PLPP1: variants seen among roughly 807,000 people sequenced by gnomAD.
PLPP1 encodes the protein phospholipid phosphatase 1, also known as lipid phosphate phosphohydrolase 1a.
Under a neutral mutation model 31.2 loss-of-function variants are expected in PLPP1, and 24 were observed. The ratio of observed to expected loss-of-function variants is 0.77; its 90% confidence interval spans 0.56 to 1.08. PLPP1 has a LOEUF of 1.08. Ranked by LOEUF, PLPP1 falls within the 50% of genes least tolerant of loss-of-function variation. The pLI, the probability that PLPP1 is intolerant of heterozygous loss-of-function variation, is 0.00. For synonymous variants in PLPP1, 146 were observed against 126.3 expected, an observed-to-expected ratio of 1.16 and a Z score of -1.05; for missense variants, 319 against 342.7, an observed-to-expected ratio of 0.93 and a Z score of 0.55.
intron 2 of PLPP1, among the ~76,000 whole-genome samples, chr5:55,471,336 G>C (rs1211986034): frequency 1.3e-5 from 2 of 151,844 alleles, no homozygotes; most frequent in Non-Finnish European, 2.9e-5. Context: ...TGTGTAGCCA[G>C]GATTACAGGC....
intron 4 of PLPP1, among the ~76,000 whole-genome samples, chr5:55,427,382 A>G (rs1751229997): frequency 6.6e-6 from 1 of 152,200 alleles, no homozygotes; most frequent in African/African-American, 2.4e-5. Flanking sequence ...TAGTTCTAAA[A>G]GAGCACACCA....
chr5:55,532,319 A>C (rs912622595), intron 1 of PLPP1, among the ~76,000 whole-genome samples: 2 of 152,158 alleles, frequency 1.3e-5, no homozygotes, highest in African/African-American at 4.8e-5. Context: ...AGCCATTCTA[A>C]TCACTGTTTG....
intron 1 of PLPP1, 74 bp from the exon 2 acceptor site, chr5:55,475,524 A>C: frequency 7.6e-7 from 1 of 1,310,366 alleles, no homozygotes; most frequent in Non-Finnish European, 1.0e-6. Flanking sequence ...TAATTATCCC[A>C]CAGACTCTGT....
At chr5:55,468,940 G>A (rs71622178) in intron 2 of PLPP1, among the ~76,000 whole-genome samples, 8,763 of 152,206 alleles carry the variant, frequency 0.058, 442 homozygotes, top group Admixed American at 0.11. Context: ...ATTAAAAAGA[G>A]TAAAATCATT....
rs1752344980 is a variant in PLPP1, at chr5:55,468,158, G to A, written c.211-9C>T. On this transcript the variant is annotated splice_polypyrimidine_tract_variant and intron_variant, in intron 2 of 5. Coordinates refer to ENST00000307259, the MANE Select transcript of PLPP1 (RefSeq NM_003711.4). ...GTTTCTCCAAGAATAATCTGAAAAA[G>A]AAACAGAAAAATAACATGTTAAAGT... is the stretch of plus-strand genomic sequence containing the variant. 6.4e-7 allele frequency: 1 copy of A among 1,553,626 alleles called. No homozygotes were observed. Among genetic ancestry groups the A allele is most frequent in the South Asian group, 1.2e-5 (1 of 82,562 alleles).
intron 2 of PLPP1, among the ~76,000 whole-genome samples, chr5:55,472,599 GAAGA>G (rs935744947): frequency 3.3e-5 from 5 of 150,270 alleles, no homozygotes; most frequent in East Asian, 2.0e-4. Flanking sequence ...GACTGTGAAA[GAAGA>G]AAGAAAGAAA....
chr5:55,534,829 C>T lies in PLPP1; in HGVS notation c.-200G>A. 1 of 547,530 alleles carries T rather than the reference C, an allele frequency of 1.8e-6. No individual in the cohort carries two copies. Among genetic ancestry groups the T allele is most frequent in the South Asian group, 2.3e-5 (1 of 42,766 alleles). The allele number at this position is 547,530 out of a possible 1,614,324, so 33.9% of individuals were successfully genotyped here. On this transcript the variant is annotated 5_prime_UTR_variant, in exon 1 of 6. Coordinates refer to ENST00000307259, the MANE Select transcript of PLPP1 (RefSeq NM_003711.4). ...CAGCAATGGCGCCCGGGGCCCTCCC[C>T]TCACAGCCCCCGCGAACACTCGGTT...
chr5:55,455,698 G>C (rs1407773460), intron 3 of PLPP1, among the ~76,000 whole-genome samples: 2 of 152,264 alleles, frequency 1.3e-5, no homozygotes, highest in Admixed American at 1.3e-4. Context: ...ATAAACCCTT[G>C]TATCCTGAAG....
intron 3 of PLPP1, among the ~76,000 whole-genome samples, chr5:55,442,752 C>T (rs1751653709): frequency 6.6e-6 from 1 of 151,878 alleles, no homozygotes; most frequent in Non-Finnish European, 1.5e-5. Flanking sequence ...AGTCTATAAA[C>T]ATCTAAGTAT....
At chr5:55,472,366 G>A (rs1384005390) in intron 2 of PLPP1, among the ~76,000 whole-genome samples, 2 of 152,142 alleles carry the variant, frequency 1.3e-5, no homozygotes, top group Admixed American at 6.5e-5. Flanking sequence ...ACTTTGGGAG[G>A]CTGAGGCAGG....
chr5:55,440,644 T>A (rs1751601629), intron 4 of PLPP1, among the ~76,000 whole-genome samples: 1 of 152,200 alleles, frequency 6.6e-6, no homozygotes, highest in Non-Finnish European at 1.5e-5. Flanking sequence ...GCTTTGAAAA[T>A]TAGCTGTTGT....
chr5:55,477,347 A>G (rs1752573854), intron 1 of PLPP1, among the ~76,000 whole-genome samples: 1 of 151,734 alleles, frequency 6.6e-6, no homozygotes. Flanking sequence ...TAACCCAATG[A>G]GCAAATTTAT....
At chr5:55,487,592 A>G (rs1752800863) in intron 1 of PLPP1, among the ~76,000 whole-genome samples, 1 of 152,154 alleles carries the variant, frequency 6.6e-6, no homozygotes, top group African/African-American at 2.4e-5. Context: ...TTTAAAATAT[A>G]GATTTTCTAT....
chr5:55,478,880 T>C (rs1011114136), intron 1 of PLPP1, among the ~76,000 whole-genome samples: 1 of 151,968 alleles, frequency 6.6e-6, no homozygotes, highest in Non-Finnish European at 1.5e-5. Context: ...TATAAGAAAA[T>C]AAGCATGAAT....
intron 3 of PLPP1, among the ~76,000 whole-genome samples, chr5:55,459,764 A>G (rs1316933672): frequency 6.6e-6 from 1 of 151,874 alleles, no homozygotes; most frequent in African/African-American, 2.4e-5. Context: ...TTACATGCAG[A>G]TTTTCTTCAA....
At chr5:55,481,998 T>A (rs1208313536) in intron 1 of PLPP1, among the ~76,000 whole-genome samples, 5 of 148,358 alleles carry the variant, frequency 3.4e-5, no homozygotes, top group Non-Finnish European at 7.4e-5. Flanking sequence ...ATATATATAT[T>A]TTTATTTTTA....
Position 55,441,559 on chromosome 5 carries a change from CT to C in PLPP1, c.549+291del, listed in dbSNP as rs370621703. 6.7e-3 allele frequency among the ~76,000 whole-genome samples: 1,017 copies of C among 152,292 alleles called. 8 individuals are homozygous for C. Among genetic ancestry groups the C allele is most frequent in the African/African-American group, 0.023 (975 of 41,552 alleles). On this transcript the variant is annotated intron_variant, in intron 4 of 5. Transcript: ENST00000307259. ...CACACTGAGCAGATGAGGAGAGTGG[CT>C]CCCAGTTAGGGAGGAGGTTAACAAG...
chr5:55,468,197 T>C, intron 2 of PLPP1, 48 bp from the exon 3 acceptor site: 1 of 1,468,310 alleles, frequency 6.8e-7, no homozygotes, highest in Middle Eastern at 2.5e-4. Context: ...AAGCAGGCAC[T>C]TTAAACAAAA....
At chr5:55,432,877 A>T (rs1207783570) in intron 4 of PLPP1, among the ~76,000 whole-genome samples, 1 of 152,048 alleles carries the variant, frequency 6.6e-6, no homozygotes, top group African/African-American at 2.4e-5. Flanking sequence ...TTGCATGAAC[A>T]CACAACTAAC....
Sources: allele counts gnomAD v4.1 joint callset (sites outside exome capture counted in the v4.1 genomes callset), GRCh38; gene constraint gnomAD v4.1.1; transcripts MANE v1.5; gene names NCBI Gene and HGNC (gene_info 2026-07-23, HGNC 2026-07-21).